ARL15: variants seen among roughly 807,000 people sequenced by gnomAD.
ARL15 encodes the protein ADP-ribosylation factor-like protein 15.
ARL15 carries 19 observed loss-of-function variants against 25.2 expected under a neutral mutation model. That is an observed-to-expected ratio of 0.75 (90% CI 0.53 to 1.10). The LOEUF (loss-of-function observed/expected upper bound fraction) is 1.10. Ranked by LOEUF, ARL15 falls within the 50% of genes least tolerant of loss-of-function variation. ARL15 has a pLI of 0.00. For missense variants in ARL15, 220 were observed against 246.0 expected (o/e 0.89, Z 0.71); for synonymous variants, 94 against 86.8 (o/e 1.08, Z -0.46).
chr5:54,026,069 C>T (rs754359324), intron 4 of ARL15, among the ~76,000 whole-genome samples: 20 of 152,202 alleles, frequency 1.3e-4, no homozygotes, highest in Admixed American at 9.8e-4. Flanking sequence ...TAATTTCATG[C>T]GTTAAATCAT....
chr5:54,210,689 G>A lies in ARL15; in HGVS notation c.49-38761C>T, dbSNP rs181497905. ...CAAAGGAAGTTTTGTTGCAGTTGTT[G>A]CTGCTGTTGCTATTATTTGAATTGA... On this transcript the variant is annotated intron_variant, in intron 1 of 4. Transcript: ENST00000504924. Among the ~76,000 whole-genome samples, 435 of 152,300 alleles carry A rather than the reference G, an allele frequency of 2.9e-3. 2 individuals carry two copies. The highest frequency in any genetic ancestry group is 7.9e-3 in the South Asian group (38 of 4,822).
intron 4 of ARL15, among the ~76,000 whole-genome samples, chr5:53,984,135 C>A (rs1186792153): frequency 6.6e-6 from 1 of 152,152 alleles, no homozygotes; most frequent in Non-Finnish European, 1.5e-5. Flanking sequence ...CTTCTTAACC[C>A]TTGCCATAAA....
chr5:54,141,241 A>C (rs1411441200), intron 3 of ARL15, among the ~76,000 whole-genome samples: 5 of 152,158 alleles, frequency 3.3e-5, no homozygotes, highest in African/African-American at 9.6e-5. Flanking sequence ...CATTAAGTTA[A>C]TTGATTTGAT....
At chr5:53,951,557 T>G in intron 4 of ARL15, 1 of 473,788 alleles carries the variant, frequency 2.1e-6, no homozygotes, top group South Asian at 1.5e-5. Flanking sequence ...ACAAATTTTC[T>G]AAAAGCACTG....
chr5:53,911,899 G>A (rs1316178954), intron 4 of ARL15: 1 of 152,124 alleles, frequency 6.6e-6, no homozygotes, highest in Non-Finnish European at 1.5e-5. Context: ...TTAGCCATAG[G>A]ATTCTGGCCA....
At chr5:54,220,301 T>C (rs761287521) in intron 1 of ARL15, among the ~76,000 whole-genome samples, 6 of 152,160 alleles carry the variant, frequency 3.9e-5, no homozygotes, top group Non-Finnish European at 7.4e-5. Flanking sequence ...TTTATTTATC[T>C]CCACTCCCCT....
intron 4 of ARL15, among the ~76,000 whole-genome samples, chr5:53,961,282 G>A (rs940081259): frequency 2.6e-5 from 4 of 151,882 alleles, no homozygotes; most frequent in Non-Finnish European, 5.9e-5. Context: ...TGGATCACCC[G>A]AGGTCAGGAG....
chr5:54,230,869 A>C (rs1393803526), intron 1 of ARL15, among the ~76,000 whole-genome samples: 1 of 152,244 alleles, frequency 6.6e-6, no homozygotes, highest in East Asian at 1.9e-4. Context: ...TTTTGAGTAT[A>C]TAACAGCTTG....
At chr5:54,045,158 T>A (rs1750466600) in intron 4 of ARL15, among the ~76,000 whole-genome samples, 1 of 152,230 alleles carries the variant, frequency 6.6e-6, no homozygotes, top group Non-Finnish European at 1.5e-5. Flanking sequence ...CTACCCCCAA[T>A]ACCAGTATTA....
chr5:54,161,593 T>G (rs2112369045), intron 2 of ARL15, among the ~76,000 whole-genome samples: 1 of 152,320 alleles, frequency 6.6e-6, no homozygotes, highest in African/African-American at 2.4e-5. Context: ...TGCCATTTAT[T>G]CTTTTTATGA....
In ARL15 at chr5:54,184,300, A is replaced by G. The variant is rs935476884; in HGVS notation, c.49-12372T>C. ...AAAAAGAAAAATTTAAAAATTAGCC[A>G]GGTGTGATGGTGTGCGCCTGTAGTC... is the stretch of plus-strand genomic sequence containing the variant. On this transcript the variant is annotated intron_variant, in intron 1 of 4. Transcript: ENST00000504924. 4.7e-5 allele frequency among the ~76,000 whole-genome samples: 7 copies of G among 149,784 alleles called. 1 individual carries two copies. The South Asian group carries it at 8.5e-4, about 18-fold the overall frequency.
At chr5:54,177,511 G>C (rs758664261) in intron 1 of ARL15, among the ~76,000 whole-genome samples, 4 of 152,190 alleles carry the variant, frequency 2.6e-5, no homozygotes, top group African/African-American at 7.2e-5. Flanking sequence ...TAGCACCAAG[G>C]CAGCAAGATT....
chr5:54,127,098 G>T (rs1022606427), intron 3 of ARL15, among the ~76,000 whole-genome samples: 1 of 152,132 alleles, frequency 6.6e-6, no homozygotes, highest in Admixed American at 6.5e-5. Flanking sequence ...AGAATATGCG[G>T]GTTTTTGTTC....
intron 1 of ARL15, among the ~76,000 whole-genome samples, chr5:54,295,669 A>G (rs1758447399): frequency 6.6e-6 from 1 of 152,188 alleles, no homozygotes; most frequent in Non-Finnish European, 1.5e-5. Flanking sequence ...AAATGAAACA[A>G]AGAGAGAAAT....
chr5:54,002,318 C>A (rs769282538), intron 4 of ARL15, among the ~76,000 whole-genome samples: 6 of 152,082 alleles, frequency 3.9e-5, no homozygotes, highest in Non-Finnish European at 7.3e-5. Flanking sequence ...AACCAAAAGG[C>A]AATGGTTGAG....
chr5:54,054,279 A>T (rs770246089), intron 4 of ARL15, among the ~76,000 whole-genome samples: 3 of 152,162 alleles, frequency 2.0e-5, no homozygotes, highest in South Asian at 2.1e-4. Flanking sequence ...GAGTTTGCTT[A>T]TTTTTGAGCT....
intron 1 of ARL15, among the ~76,000 whole-genome samples, chr5:54,284,092 T>C (rs1025565833): frequency 2.0e-5 from 3 of 152,138 alleles, no homozygotes; most frequent in African/African-American, 7.2e-5. Context: ...GTACATGAAA[T>C]AGAAATCAAC....
intron 1 of ARL15, among the ~76,000 whole-genome samples, chr5:54,301,404 A>C (rs1030324928): frequency 3.3e-5 from 5 of 152,302 alleles, no homozygotes; most frequent in African/African-American, 7.2e-5. Context: ...TGAGACTGTT[A>C]CTCACTAACC....
At chr5:54,270,523 G>A (rs1326674216) in intron 1 of ARL15, among the ~76,000 whole-genome samples, 1 of 152,188 alleles carries the variant, frequency 6.6e-6, no homozygotes, top group Non-Finnish European at 1.5e-5. Context: ...ACTAATTGGA[G>A]CTCTGTTCAT....
Sources: allele counts gnomAD v4.1 joint callset (sites outside exome capture counted in the v4.1 genomes callset), GRCh38; gene constraint gnomAD v4.1.1; transcripts MANE v1.5; gene names NCBI Gene and HGNC (gene_info 2026-07-23, HGNC 2026-07-21).